TCOF1: variants seen among roughly 807,000 people sequenced by gnomAD.
TCOF1 encodes treacle protein.
In TCOF1, 33 loss-of-function variants were observed where a neutral mutation model predicts 149.0. The ratio of observed to expected loss-of-function variants is 0.22; its 90% CI spans 0.17 to 0.30. The LOEUF (loss-of-function observed/expected upper bound fraction) is 0.30. Among genes scored for constraint, TCOF1 ranks in the 10% least tolerant of loss-of-function variants. The pLI is 1.00. For synonymous variants in TCOF1, 789 were observed against 738.8 expected, an observed-to-expected ratio of 1.07 and a Z score of -1.10; for missense variants, 1,728 against 1,840.7, an observed-to-expected ratio of 0.94 and a Z score of 1.12.
intron 19 of TCOF1, among the ~76,000 whole-genome samples, chr5:150,391,145 A>G (rs1364484461): frequency 6.6e-6 from 1 of 152,058 alleles, no homozygotes; most frequent in African/African-American, 2.4e-5. Flanking sequence ...GAGCTGGGGG[A>G]GAGGAGATGA....
chr5:150,363,579 G>T (rs1242909717), intron 2 of TCOF1, among the ~76,000 whole-genome samples: 1 of 152,262 alleles, frequency 6.6e-6, no homozygotes, highest in Non-Finnish European at 1.5e-5. Context: ...GCCTTTCTGT[G>T]TAGGGGAGGA....
At chr5:150,389,720 C>A (rs1388746761) in intron 18 of TCOF1, among the ~76,000 whole-genome samples, 167 bp from the exon 19 acceptor site, 1 of 152,236 alleles carries the variant, frequency 6.6e-6, no homozygotes, top group Non-Finnish European at 1.5e-5. Context: ...ATAATGACAT[C>A]TCCTGCCTGG....
At position 150,392,772 on chromosome 5, in the gene TCOF1, TGTG is replaced by T. The variant is rs748108935; in HGVS notation, c.3590_3592del (p.Val1197del). The stretch of plus-strand genomic sequence containing the variant: ...CCGCAGCAGAGTCCAGCGAGGATGA[TGTG>T]GTGGCGCCATCCCAGGTAACTGCAA... On this transcript the variant is annotated inframe_deletion, in exon 22 of 27. Transcript: ENST00000643257. 2.9e-5 allele frequency: 47 copies of T among 1,613,862 alleles called. No individual in the cohort carries two copies. Among genetic ancestry groups the T allele is most frequent in the Non-Finnish European group, 3.6e-5 (43 of 1,179,980 alleles).
At chr5:150,395,872 C>T (rs1396199770) in intron 23 of TCOF1, among the ~76,000 whole-genome samples, 1 of 151,566 alleles carries the variant, frequency 6.6e-6, no homozygotes, top group East Asian at 2.0e-4. Context: ...GGGTCCTGGC[C>T]AGAATCACAC....
At chr5:150,377,358 C>G (rs975748982) in intron 14 of TCOF1, among the ~76,000 whole-genome samples, 39 of 152,292 alleles carry the variant, frequency 2.6e-4, no homozygotes, top group Admixed American at 2.1e-3. Context: ...ACCTGCTACA[C>G]CCAGCAAGGG....
intron 7 of TCOF1, among the ~76,000 whole-genome samples, chr5:150,372,631 G>C (rs1465136071): frequency 6.6e-6 from 1 of 152,202 alleles, no homozygotes; most frequent in African/African-American, 2.4e-5. Flanking sequence ...AAGGCCCTGG[G>C]TGTATCCCAA....
chr5:150,361,270 G>A (rs1395635821), intron 2 of TCOF1, 59 bp downstream of exon 2: 3 of 1,590,272 alleles, frequency 1.9e-6, no homozygotes, highest in African/African-American at 1.3e-5. Context: ...ACTCAGCTTG[G>A]AATAAGCTGG....
At chr5:150,387,341 G>T (rs536993971) in intron 17 of TCOF1, among the ~76,000 whole-genome samples, 9 of 152,290 alleles carry the variant, frequency 5.9e-5, no homozygotes, top group Admixed American at 4.6e-4. Context: ...TTTTGTTGAA[G>T]AAACTGAATT....
rs138657745 is a variant in TCOF1, at chr5:150,383,662, C to G, written c.2859+3930C>G. 39 of 1,439,616 alleles carry G rather than the reference C, an allele frequency of 2.7e-5. No individual in the cohort carries two copies. In the African/African-American group the frequency reaches 5.0e-4, roughly 18 times the overall value. The allele number at this position is 1,439,616 out of a possible 1,614,324, so 89.2% of individuals were successfully genotyped here. ...AGTTGAAGCAGTTTCCCCAAATTCTCATGATTCATAAGAGGCTGAGGAAAG... is the reference window on the plus strand; with the variant it reads ...AGTTGAAGCAGTTTCCCCAAATTCTGATGATTCATAAGAGGCTGAGGAAAG... On this transcript the variant is annotated intron_variant, in intron 17 of 26. Transcript: ENST00000643257.
chr5:150,370,593 T>A (rs1049762384), intron 6 of TCOF1, among the ~76,000 whole-genome samples: 4 of 152,038 alleles, frequency 2.6e-5, no homozygotes, highest in African/African-American at 9.7e-5. Context: ...TGACCTCAAG[T>A]GGTCCATGTG....
chr5:150,379,110 C>T, intron 15 of TCOF1, 68 bp downstream of exon 15: 1 of 1,613,732 alleles, frequency 6.2e-7, no homozygotes, highest in Non-Finnish European at 8.5e-7. Flanking sequence ...GTCACTGAGC[C>T]CAGCCAGGAG....
At chr5:150,376,715 T>A in intron 14 of TCOF1, 95 bp downstream of exon 14, 2 of 1,315,486 alleles carry the variant, frequency 1.5e-6, no homozygotes, top group South Asian at 2.5e-5. Context: ...TGCCTGCAGG[T>A]GTGCAGAAGC....
intron 17 of TCOF1, chr5:150,380,538 C>T (rs1427638654): frequency 6.6e-6 from 1 of 152,556 alleles, no homozygotes; most frequent in African/African-American, 2.4e-5. Context: ...GCTTGTCTAG[C>T]TTAGTGCAAA....
intron 23 of TCOF1, 39 bp from the exon 24 acceptor site, chr5:150,396,243 A>C (rs556369006): frequency 6.8e-6 from 11 of 1,608,982 alleles, no homozygotes; most frequent in Non-Finnish European, 8.5e-6. Context: ...CTGTCCCCCA[A>C]CTCTCCCAGA....
intron 4 of TCOF1, 99 bp downstream of exon 4, chr5:150,368,016 GCCCCAC>G: frequency 7.5e-7 from 1 of 1,333,328 alleles, no homozygotes; most frequent in Non-Finnish European, 1.1e-6. Flanking sequence ...GTGAGTAATT[GCCCCAC>G]CTGGATTCAG....
chr5:150,391,931 C>A (rs777866355), intron 20 of TCOF1, 26 bp from the exon 21 acceptor site: 2 of 1,612,574 alleles, frequency 1.2e-6, no homozygotes, highest in Admixed American at 1.7e-5. Flanking sequence ...TTTTTCCTTC[C>A]ATTCCTTCTC....
chr5:150,392,935 C>T (rs1767742366), intron 22 of TCOF1, 145 bp downstream of exon 22: 7 of 973,080 alleles, frequency 7.2e-6, no homozygotes, highest in African/African-American at 1.6e-5. Context: ...TGCAAGGCAC[C>T]ACGTGTGGCC....
At chr5:150,390,146 G>C in intron 19 of TCOF1, 123 bp downstream of exon 19, 1 of 1,462,218 alleles carries the variant, frequency 6.8e-7, no homozygotes, top group Non-Finnish European at 9.3e-7. Flanking sequence ...AGAGGTCGTG[G>C]CCTCACAGCC....
At chr5:150,362,397 A>C (rs1488726640) in intron 2 of TCOF1, among the ~76,000 whole-genome samples, 1 of 152,154 alleles carries the variant, frequency 6.6e-6, no homozygotes, top group East Asian at 1.9e-4. Context: ...GGAATGGTAG[A>C]GAGTACTGAA....
Sources: allele counts gnomAD v4.1 joint callset (sites outside exome capture counted in the v4.1 genomes callset), GRCh38; gene constraint gnomAD v4.1.1; transcripts MANE v1.5; gene names NCBI Gene and HGNC (gene_info 2026-07-23, HGNC 2026-07-21).